CPLANE1: variants seen among roughly 807,000 people sequenced by gnomAD.
CPLANE1 encodes the protein ciliogenesis and planar polarity effector 1.
Under a neutral mutation model 362.5 loss-of-function variants are expected in CPLANE1, and 263 were observed. The ratio of observed to expected loss-of-function variants is 0.73; its 90% confidence interval spans 0.66 to 0.80. The LOEUF is 0.80. Among genes scored for constraint, CPLANE1 ranks in the 30% least tolerant of loss-of-function variants. CPLANE1 has a pLI of 0.00. For synonymous variants in CPLANE1, 1,212 were observed against 1,302.6 expected (o/e 0.93, Z 1.50); for missense variants, 3,461 against 3,793.4 (o/e 0.91, Z 2.30).
chr5:37,130,450 G>T, intron 46 of CPLANE1: 1 of 217,606 alleles, frequency 4.6e-6, no homozygotes, highest in South Asian at 7.9e-5. Context: ...CAAATTAAGA[G>T]GGCAGAAGTC....
the CPLANE1 span, chr5:37,085,354 T>C: frequency 7.4e-7 from 1 of 1,345,834 alleles, no homozygotes; most frequent in Non-Finnish European, 1.1e-6. Flanking sequence ...AATTTCCATC[T>C]GATCTATGAC....
At chr5:37,230,218 A>T (rs1292298102) in intron 9 of CPLANE1, among the ~76,000 whole-genome samples, 1 of 151,154 alleles carries the variant, frequency 6.6e-6, no homozygotes, top group Admixed American at 6.6e-5. Flanking sequence ...AAATTTAAAA[A>T]TTGAAAAAAA....
At chr5:37,148,319 A>C in intron 42 of CPLANE1, 51 bp from the exon 43 acceptor site, 4 of 1,307,448 alleles carry the variant, frequency 3.1e-6, no homozygotes, top group East Asian at 2.4e-5. Flanking sequence ...TGATAATTTC[A>C]AAATAACAAA....
intron 29 of CPLANE1, among the ~76,000 whole-genome samples, chr5:37,178,626 C>A (rs1226966073): frequency 5.7e-4 from 85 of 149,466 alleles, no homozygotes; most frequent in East Asian, 3.7e-3. Flanking sequence ...AAAAAAAAAA[C>A]AAAAACACAG....
At position 37,108,447 on chromosome 5, in the gene CPLANE1, A is replaced by G. The variant is rs1483973488; in HGVS notation, c.9425T>C (p.Leu3142Pro). The change falls in exon 52 of 53, where the codon CTG becomes CCG. Residue 3142 changes from leucine (L) to proline (P), a missense_variant. This residue lies in a region of CPLANE1 where 3,380 missense variants were observed against 3,666.1 expected (regional missense o/e 0.92). Coordinates refer to ENST00000651892, the MANE Select transcript of CPLANE1 (RefSeq NM_001384732.1). ...QKGSNAPCHS[L>P]QHTKKHGSAG... ...ACTTCCATGTTTTTTTGTATGCTGC[A>G]GACTATGACACGGAGCATTAGAGCC... 6.2e-7 allele frequency: 1 copy of G among 1,614,132 alleles called. No individual in the cohort carries two copies. Among genetic ancestry groups the G allele is most frequent in the South Asian group, 1.1e-5 (1 of 91,080 alleles).
intron 50 of CPLANE1, among the ~76,000 whole-genome samples, chr5:37,119,666 C>T (rs1031821632): frequency 2.0e-5 from 3 of 147,464 alleles, no homozygotes; most frequent in Admixed American, 6.8e-5. Flanking sequence ...AGTGAAACTC[C>T]GTCTCAAAAA....
rs991615536 is a variant in CPLANE1, at chr5:37,209,712, A to G, written c.2921-3287T>C. 8.1e-7 allele frequency: 1 copy of G among 1,242,224 alleles called. No individual in the cohort carries two copies. Among genetic ancestry groups the G allele is most frequent in the Non-Finnish European group, 1.2e-6 (1 of 843,504 alleles). 77.0% of individuals were successfully genotyped at this position (1,242,224 alleles called of 1,614,324 possible). A position where few individuals can be genotyped will look rare whatever the true frequency, so the allele number is the denominator to read the frequency against. ...GCAGGATCTATTACAACTCATTAAA[A>G]TCAACCCTACTTCCAGTCTGTACAA... On this transcript the variant is annotated intron_variant, in intron 16 of 52. Coordinates refer to ENST00000651892, the MANE Select transcript of CPLANE1 (RefSeq NM_001384732.1). The surrounding 1 kb of genome is among the most constrained non-coding windows in gnomAD (Gnocchi z 4.6).
chr5:37,146,532 ATATAAG>A (rs1771650112), intron 43 of CPLANE1, among the ~76,000 whole-genome samples: 1 of 152,304 alleles, frequency 6.6e-6, no homozygotes, highest in South Asian at 2.1e-4. Flanking sequence ...CTGATTAGAT[ATATAAG>A]TATATTAAGA....
In CPLANE1 at chr5:37,220,244, A is replaced by G. The variant is rs114598976; in HGVS notation, c.2746+1080T>C. On this transcript the variant is annotated intron_variant, in intron 15 of 52. Transcript: ENST00000651892. Reference sequence around the variant, plus strand: ...CCAGCCTCGGCAACAGAATAAGACCATATCTCAAAAAAAAAAAAAACTCAC... The same window carrying G: ...CCAGCCTCGGCAACAGAATAAGACCGTATCTCAAAAAAAAAAAAAACTCAC... Among the ~76,000 whole-genome samples the G allele has an allele frequency of 5.4e-3, 803 of 148,130 alleles. 3 individuals are homozygous for G. The highest frequency in any genetic ancestry group is 7.2e-3 in the Non-Finnish European group (482 of 67,154).
chr5:37,084,581 A>G, the CPLANE1 span, among the ~76,000 whole-genome samples: 1 of 151,990 alleles, frequency 6.6e-6, no homozygotes, highest in African/African-American at 2.4e-5. Context: ...AGTTTGTGAG[A>G]CCAGCCTGAC....
Position 37,182,824 on chromosome 5 carries a change from G to T in CPLANE1, c.5357C>A (p.Thr1786Lys). The change falls in exon 26 of 53, where the codon ACA (threonine) becomes AAA (lysine). Residue 1786 changes from threonine to lysine, a missense_variant. Transcript: ENST00000651892. The part of the protein sequence containing the change: ...RVKTSTAAIL[T>K]SLWLLEQPYF... ...GGGTTGTTCCAAAAGCCATAATGATGTAAGAATGGCAGCTGTAGAGGTCTT... is the reference window on the plus strand; with the variant it reads ...GGGTTGTTCCAAAAGCCATAATGATTTAAGAATGGCAGCTGTAGAGGTCTT... 1 of 1,613,650 alleles carries T rather than the reference G, an allele frequency of 6.2e-7. No individual in the cohort carries two copies. The highest frequency in any genetic ancestry group is 8.5e-7 in the Non-Finnish European group (1 of 1,179,860).
chr5:37,147,220 A>G (rs1037610952), intron 43 of CPLANE1, among the ~76,000 whole-genome samples: 7 of 152,234 alleles, frequency 4.6e-5, no homozygotes, highest in African/African-American at 1.2e-4. Flanking sequence ...CTTCAAATAA[A>G]TGTGGAACAT....
chr5:37,194,275 A>C (rs1786558844), intron 21 of CPLANE1, among the ~76,000 whole-genome samples: 1 of 152,154 alleles, frequency 6.6e-6, no homozygotes, highest in Admixed American at 6.6e-5. Context: ...CAAGAGACCA[A>C]ATCAAACAAA....
At chr5:37,135,834 A>G (rs301861) in intron 46 of CPLANE1, among the ~76,000 whole-genome samples, 22,388 of 152,010 alleles carry the variant, frequency 0.15, 1,960 homozygotes, top group African/African-American at 0.23. Flanking sequence ...TGTCTCAAAA[A>G]AAAAAACCAA....
chr5:37,167,053 T>C lies in CPLANE1; in HGVS notation c.7394A>G (p.Lys2465Arg). 1 of 1,605,956 alleles carries C rather than the reference T, an allele frequency of 6.2e-7. No homozygotes were observed. Among genetic ancestry groups the C allele is most frequent in the Non-Finnish European group, 8.5e-7 (1 of 1,177,964 alleles). Reference protein sequence around the residue: ...PPEVRQGKDSKKRQRRRAEKE... With the variant: ...PPEVRQGKDSRKRQRRRAEKE... ...AATTTCACTTAAGCCTTGCCTTTTT[T>C]TACTGTCCTTTCCTTGTCTTACTTC... The change falls in exon 35 of 53, where the codon AAA (lysine) becomes AGA (arginine). Residue 2465 changes from lysine (K) to arginine (R), a missense_variant. Coordinates refer to ENST00000651892, the MANE Select transcript of CPLANE1 (RefSeq NM_001384732.1).
In CPLANE1 at chr5:37,244,499, A is replaced by C. The variant is rs1581054127; in HGVS notation, c.446T>G (p.Ile149Ser). ...FLWEYLELKN[I>S]LSSKSLSLAG... ...CAATGAAAGGCTTTTAGAAGATAAG[A>C]TATTCTTTAATTCCAAATATTCCCA... Residue 149 changes from isoleucine to serine, a missense_variant, in exon 5 of 53, where the codon ATC (isoleucine) becomes AGC (serine). Around this residue, in one of 2 missense-constraint regions of CPLANE1, gnomAD observed 3,380 missense variants for 3,666.1 expected, o/e 0.92. Transcript: ENST00000651892. The C allele has an allele frequency of 6.4e-7, 1 of 1,551,948 alleles. No individual in the cohort carries two copies. The highest frequency in any genetic ancestry group is 1.4e-5 in the African/African-American group (1 of 73,154).
intron 46 of CPLANE1, among the ~76,000 whole-genome samples, chr5:37,131,694 C>T (rs183222511): frequency 1.3e-5 from 2 of 152,188 alleles, no homozygotes; most frequent in African/African-American, 4.8e-5. Flanking sequence ...CCACACCCAG[C>T]TAATTTTTTG....
At chr5:37,172,717 G>A (rs1023653159) in intron 32 of CPLANE1, among the ~76,000 whole-genome samples, 4 of 152,324 alleles carry the variant, frequency 2.6e-5, no homozygotes, top group South Asian at 2.1e-4. Context: ...TGGGCACAGC[G>A]GCTCACGCCT....
intron 15 of CPLANE1, among the ~76,000 whole-genome samples, chr5:37,214,337 T>C (rs1042219649): frequency 6.6e-6 from 1 of 151,988 alleles, no homozygotes; most frequent in Non-Finnish European, 1.5e-5. Flanking sequence ...TAGCTGGGCA[T>C]GGTTGTGCGC....
Sources: gnomAD v4.1 joint callset for allele counts (sites outside exome capture counted in the v4.1 genomes callset) on GRCh38, gnomAD v4.1.1 for gene constraint, gnomAD v4.1.1 regional missense constraint, Gnocchi (gnomAD v3.1) non-coding constraint, MANE v1.5 for transcripts, NCBI Gene and HGNC (gene_info 2026-07-23, HGNC 2026-07-21) for gene names.